The following ARL8B variants were observed in gnomAD, a reference collection of about 807,000 sequenced individuals.
The protein encoded by ARL8B is ADP-ribosylation factor-like protein 8B.
A neutral mutation model predicts 30.6 loss-of-function variants in ARL8B; 9 were observed. That is an observed-to-expected ratio of 0.29 (90% CI 0.18 to 0.51). ARL8B has a LOEUF of 0.51. Ranked by LOEUF, ARL8B falls within the 20% of genes least tolerant of loss-of-function variation. The pLI is 0.97. For missense variants in ARL8B, 130 were observed against 227.2 expected (o/e 0.57, Z 2.75); for synonymous variants, 74 against 76.0 (o/e 0.97, Z 0.14).
chr3:5,164,599 G>C (rs183517362), intron 1 of ARL8B, among the ~76,000 whole-genome samples: 3 of 152,230 alleles, frequency 2.0e-5, no homozygotes, highest in Admixed American at 6.5e-5. Context: ...TGAGGCCCTT[G>C]TTTTCTAAGT....
intron 1 of ARL8B, among the ~76,000 whole-genome samples, chr3:5,162,383 T>A (rs2054591094): frequency 6.6e-6 from 1 of 152,244 alleles, no homozygotes; most frequent in African/African-American, 2.4e-5. Flanking sequence ...TAGGGTTGCC[T>A]TTATCTTTCT....
intron 1 of ARL8B, among the ~76,000 whole-genome samples, chr3:5,156,625 A>G (rs1185108323): frequency 6.6e-6 from 1 of 152,186 alleles, no homozygotes; most frequent in Non-Finnish European, 1.5e-5. Context: ...CATGTTGGCC[A>G]TGCTGGTCTC....
Position 5,150,469 on chromosome 3 carries a change from A to AATAAATAC in ARL8B, c.124-20027_124-20026insCATAAATA, listed in dbSNP as rs1486871222. On this transcript the variant is annotated intron_variant, in intron 1 of 6. Coordinates refer to ENST00000256496, the MANE Select transcript of ARL8B (RefSeq NM_018184.3). The stretch of plus-strand genomic sequence containing the variant: ...CAGAGCGAGAATCCATGTCAAAATA[A>AATAAATAC]ATAAATAAATAAATAAATAAATAAA... 4.0e-3 allele frequency among the ~76,000 whole-genome samples: 604 copies of AATAAATAC among 150,796 alleles called. 1 individual carries two copies. Among genetic ancestry groups the AATAAATAC allele is most frequent in the African/African-American group, 0.014 (591 of 40,876 alleles).
chr3:5,172,434 A>G lies in ARL8B; in HGVS notation c.278+211A>G, dbSNP rs539168960. ...TTTTTTGTTTATGGAGCTAAGAGCT[A>G]AGGGGTGTACATGTTTTACTATCAT... On this transcript the variant is annotated intron_variant, in intron 3 of 6. Transcript: ENST00000256496. Among the ~76,000 whole-genome samples, 474 of 152,342 alleles carry G rather than the reference A, an allele frequency of 3.1e-3. 4 individuals are homozygous for G. Among genetic ancestry groups the G allele is most frequent in the African/African-American group, 0.011 (443 of 41,584 alleles).
intron 1 of ARL8B, among the ~76,000 whole-genome samples, chr3:5,152,091 G>T (rs1440393403): frequency 6.6e-6 from 1 of 152,184 alleles, no homozygotes; most frequent in Non-Finnish European, 1.5e-5. Context: ...CTTTTTTAAT[G>T]AAATGTTCTG....
At chr3:5,169,305 TTGTGTGTG>T (rs10575722) in intron 1 of ARL8B, among the ~76,000 whole-genome samples, 19,570 of 142,918 alleles carry the variant, frequency 0.14, 1,402 homozygotes, top group East Asian at 0.27. Flanking sequence ...AATACAGTGT[TTGTGTGTG>T]TGTGTGTGTG....
chr3:5,157,874 G>A (rs1008007275), intron 1 of ARL8B: 1 of 152,072 alleles, frequency 6.6e-6, no homozygotes, highest in Non-Finnish European at 1.5e-5. Flanking sequence ...GAGAAAACAA[G>A]CAAAAGTAAG....
At chr3:5,128,911 A>G (rs1189043645) in intron 1 of ARL8B, among the ~76,000 whole-genome samples, 1 of 152,166 alleles carries the variant, frequency 6.6e-6, no homozygotes, top group Non-Finnish European at 1.5e-5. Context: ...GCATTTTTCT[A>G]TCTAAAACAT....
At chr3:5,176,262 ACT>A (rs1300084815) in intron 6 of ARL8B, among the ~76,000 whole-genome samples, 1 of 151,784 alleles carries the variant, frequency 6.6e-6, no homozygotes, top group Non-Finnish European at 1.5e-5. Context: ...ATGGAGTCTC[ACT>A]CTGTCGCCGT....
At chr3:5,145,445 T>C (rs2054410719) in intron 1 of ARL8B, among the ~76,000 whole-genome samples, 1 of 152,188 alleles carries the variant, frequency 6.6e-6, no homozygotes, top group South Asian at 2.1e-4. Context: ...AGCAGGGCTG[T>C]GGCAGCTACT....
intron 1 of ARL8B, among the ~76,000 whole-genome samples, chr3:5,145,851 C>T (rs1037774625): frequency 7.9e-5 from 12 of 152,132 alleles, no homozygotes; most frequent in Admixed American, 2.0e-4. Flanking sequence ...GATATTCTCT[C>T]TGGGTTTATT....
intron 1 of ARL8B, among the ~76,000 whole-genome samples, chr3:5,156,251 A>T (rs2054532280): frequency 6.6e-6 from 1 of 151,502 alleles, no homozygotes; most frequent in Non-Finnish European, 1.5e-5. Flanking sequence ...CTGTTGGTTA[A>T]TTTTTTTTCC....
intron 1 of ARL8B, among the ~76,000 whole-genome samples, chr3:5,123,230 C>T (rs946501891): frequency 2.0e-5 from 3 of 152,172 alleles, no homozygotes; most frequent in Non-Finnish European, 4.4e-5. Flanking sequence ...AGTTAATTGT[C>T]TTAAGCGACT....
chr3:5,172,820 A>C (rs141004680), intron 4 of ARL8B, 80 bp downstream of exon 4: 1 of 951,368 alleles, frequency 1.1e-6, no homozygotes, highest in Admixed American at 2.3e-5. Flanking sequence ...GATATTAATT[A>C]TGTTTGAAAT....
At chr3:5,144,104 C>T (rs142731527) in intron 1 of ARL8B, among the ~76,000 whole-genome samples, 8 of 152,252 alleles carry the variant, frequency 5.3e-5, no homozygotes, top group African/African-American at 1.9e-4. Context: ...CCATAATTCC[C>T]CTTAATACCC....
At chr3:5,129,751 C>T (rs138653252) in intron 1 of ARL8B, among the ~76,000 whole-genome samples, 1 of 152,100 alleles carries the variant, frequency 6.6e-6, no homozygotes, top group African/African-American at 2.4e-5. Context: ...GGTGTGGTGG[C>T]TCACGCTTGT....
intron 6 of ARL8B, among the ~76,000 whole-genome samples, chr3:5,178,389 C>T (rs1224741740): frequency 2.2e-5 from 3 of 137,084 alleles, no homozygotes; most frequent in Non-Finnish European, 4.6e-5. Context: ...TGGCAATTTG[C>T]ATGCAACACC....
intron 1 of ARL8B, among the ~76,000 whole-genome samples, chr3:5,162,046 T>G (rs1004420284): frequency 5.9e-5 from 9 of 152,316 alleles, no homozygotes; most frequent in South Asian, 4.1e-4. Flanking sequence ...GTAAATCAGT[T>G]TGCTATAGAT....
chr3:5,142,699 T>C (rs775499203), intron 1 of ARL8B, among the ~76,000 whole-genome samples: 15 of 152,240 alleles, frequency 9.9e-5, no homozygotes, highest in Non-Finnish European at 1.2e-4. Flanking sequence ...CTAAAGTGTT[T>C]ATTAGGGTCT....
Sources: allele counts gnomAD v4.1 joint callset (sites outside exome capture counted in the v4.1 genomes callset), GRCh38; gene constraint gnomAD v4.1.1; transcripts MANE v1.5; gene names NCBI Gene and HGNC (gene_info 2026-07-23, HGNC 2026-07-21).